Variants in ANKS4B observed in about 807,000 individuals in gnomAD.
The protein encoded by ANKS4B is ankyrin repeat and SAM domain-containing protein 4B.
A neutral mutation model predicts 20.2 loss-of-function variants in ANKS4B; 21 were observed. The observed-to-expected ratio is 1.04, with a 90% CI of 0.74 to 1.50. ANKS4B has a LOEUF of 1.50. ANKS4B is among the 40% of genes most tolerant of loss of function. The probability of loss-of-function intolerance (pLI) is 0.00; values close to 1 mark genes in which losing one functional copy is unlikely to be tolerated. For synonymous variants in ANKS4B, 179 were observed against 194.5 expected, an observed-to-expected ratio of 0.92 and a Z score of 0.66; for missense variants, 473 against 494.6, an observed-to-expected ratio of 0.96 and a Z score of 0.41.
intron 1 of ANKS4B, among the ~76,000 whole-genome samples, chr16:21,249,321 A>G (rs572145885): frequency 6.6e-6 from 1 of 152,286 alleles, no homozygotes; most frequent in South Asian, 2.1e-4. Context: ...CTGTCTCTAC[A>G]AAAAATTAGC....
intron 1 of ANKS4B, among the ~76,000 whole-genome samples, chr16:21,245,144 G>A (rs2031079): frequency 6.6e-6 from 1 of 152,022 alleles, no homozygotes; most frequent in African/African-American, 2.4e-5. Context: ...ACAGAATTTC[G>A]CTTGAAATTC....
chr16:21,247,151 C>G (rs148317937), intron 1 of ANKS4B, among the ~76,000 whole-genome samples: 1 of 150,792 alleles, frequency 6.6e-6, no homozygotes, highest in South Asian at 2.1e-4. Flanking sequence ...CTGCAACCTC[C>G]GCCTCCGGGG....
chr16:21,234,295 T>C (rs1235405799), intron 1 of ANKS4B, among the ~76,000 whole-genome samples: 1 of 151,774 alleles, frequency 6.6e-6, no homozygotes, highest in East Asian at 1.9e-4. Context: ...GACATGGTTT[T>C]AGTTTTTTTT....
chr16:21,242,210 C>T (rs540847018), intron 1 of ANKS4B, among the ~76,000 whole-genome samples: 22 of 152,238 alleles, frequency 1.4e-4, no homozygotes, highest in African/African-American at 5.1e-4. Context: ...TTCTTTTAGA[C>T]GGAGTCTCAC....
rs200273563 is a variant in ANKS4B, at chr16:21,250,056, A to G, written c.490A>G (p.Thr164Ala). 2.2e-5 allele frequency: 35 copies of G among 1,614,210 alleles called. No individual in the cohort carries two copies. Among genetic ancestry groups the G allele is most frequent in the African/African-American group, 2.1e-4 (16 of 75,044 alleles). The change falls in exon 2 of 2, where the codon ACC becomes GCC. Residue 164 changes from threonine (T) to alanine (A), a missense_variant. By Grantham distance (58) the Thr-to-Ala change is moderately conservative (BLOSUM62 0). Transcript: ENST00000311620. ...QEKHQNKMAH[T>A]YSKEESGTLS... is the part of the protein sequence containing the mutation. ...GAAGCACCAAAATAAGATGGCCCAC[A>G]CCTACAGCAAGGAGGAATCCGGGAC...
intron 1 of ANKS4B, among the ~76,000 whole-genome samples, chr16:21,244,562 C>A (rs1297091872): frequency 6.6e-6 from 1 of 152,126 alleles, no homozygotes; most frequent in East Asian, 1.9e-4. Flanking sequence ...TTCAACTTAT[C>A]CAATCCAAGG....
chr16:21,234,731 T>C (rs1252613399), intron 1 of ANKS4B, among the ~76,000 whole-genome samples: 1 of 151,998 alleles, frequency 6.6e-6, no homozygotes, highest in Non-Finnish European at 1.5e-5. Flanking sequence ...TCTCTTAAGA[T>C]AAGAGATATT....
At chr16:21,235,390 A>G (rs1196776179) in intron 1 of ANKS4B, among the ~76,000 whole-genome samples, 2 of 152,176 alleles carry the variant, frequency 1.3e-5, no homozygotes, top group African/African-American at 4.8e-5. Flanking sequence ...CAGGACAAGT[A>G]TAAGAGATAA....
Position 21,249,712 on chromosome 16 carries a change from T to TTC in ANKS4B, c.165-7_165-6dup, listed in dbSNP as rs201323707. The TTC allele has an allele frequency of 3.9e-6, 6 of 1,550,726 alleles. No individual in the cohort carries two copies. The highest frequency in any genetic ancestry group is 2.1e-5 in the Admixed American group (1 of 48,508). ...AAAAAAAGTCCAACATGTATTTTTTTTCTCTCTCTCTCTTCTAGAGGGGAC... is the reference window on the plus strand; with the variant it reads ...AAAAAAAGTCCAACATGTATTTTTTTTCTCTCTCTCTCTCTTCTAGAGGGGAC... On this transcript the variant is annotated intron_variant, in intron 1 of 1. Transcript: ENST00000311620.
At chr16:21,241,812 T>C (rs1382955349) in intron 1 of ANKS4B, among the ~76,000 whole-genome samples, 2 of 152,270 alleles carry the variant, frequency 1.3e-5, no homozygotes, top group African/African-American at 4.8e-5. Flanking sequence ...GTCAAGCTAA[T>C]TGACTATGTG....
rs368289543 is a variant in ANKS4B, at chr16:21,237,481, A to G, written c.164+3580A>G. ...TCTGGCAGCAGAGACATCCAAGATCAAGGCACCAGCAGGACTGGTGTCTGA... is the reference window on the plus strand; with the variant it reads ...TCTGGCAGCAGAGACATCCAAGATCGAGGCACCAGCAGGACTGGTGTCTGA... On this transcript the variant is annotated intron_variant, in intron 1 of 1. Coordinates refer to ENST00000311620, the MANE Select transcript of ANKS4B (RefSeq NM_145865.3). Among the ~76,000 whole-genome samples the G allele has an allele frequency of 1.1e-4, 17 of 152,268 alleles. No individual in the cohort carries two copies. In the South Asian group the frequency reaches 2.1e-3, roughly 19 times the overall value.
At chr16:21,244,304 C>T (rs2093329891) in intron 1 of ANKS4B, among the ~76,000 whole-genome samples, 1 of 152,192 alleles carries the variant, frequency 6.6e-6, no homozygotes, top group Middle Eastern at 3.4e-3. Flanking sequence ...AGGACAAATA[C>T]CTACTGCATG....
In ANKS4B at chr16:21,250,351, A is replaced by G. The variant is rs767591528; in HGVS notation, c.785A>G (p.His262Arg). 3.7e-6 allele frequency: 6 copies of G among 1,614,216 alleles called. No homozygotes were observed. Among genetic ancestry groups the G allele is most frequent in the Admixed American group, 1.7e-5 (1 of 60,024 alleles). ...GCAGAGGAGGACGGCAGTGTGCACC[A>G]TGAATCCATTCTCAATCGTCCAGGT... Reference protein sequence around the residue: ...LSAEEDGSVHHESILNRPGLG... With the variant: ...LSAEEDGSVHRESILNRPGLG... The change falls in exon 2 of 2, where the codon CAT becomes CGT. Residue 262 changes from histidine to arginine, a missense_variant. His to Arg is a conservative substitution (Grantham distance 29, BLOSUM62 0). Transcript: ENST00000311620.
chr16:21,235,572 T>G lies in ANKS4B; in HGVS notation c.164+1671T>G, dbSNP rs569945217. Among the ~76,000 whole-genome samples the G allele has an allele frequency of 5.3e-5, 8 of 152,156 alleles. 1 individual carries two copies. In the South Asian group the frequency reaches 1.7e-3, roughly 32 times the overall value. On this transcript the variant is annotated intron_variant, in intron 1 of 1. Coordinates refer to ENST00000311620, the MANE Select transcript of ANKS4B (RefSeq NM_145865.3). The stretch of plus-strand genomic sequence containing the variant: ...TTGGGGACTGTTTTAGTGGTCGAGA[T>G]GAGTTGGACTAGGGTAGTGACATTG...
chr16:21,234,974 G>T (rs979722319), intron 1 of ANKS4B, among the ~76,000 whole-genome samples: 2 of 152,086 alleles, frequency 1.3e-5, no homozygotes, highest in African/African-American at 4.8e-5. Flanking sequence ...TGAGCCTCCC[G>T]AGTAGCTGGG....
intron 1 of ANKS4B, among the ~76,000 whole-genome samples, chr16:21,247,510 G>A (rs969587572): frequency 5.9e-5 from 9 of 152,154 alleles, no homozygotes; most frequent in Admixed American, 3.9e-4. Context: ...TCTACTTCTC[G>A]GGAATGTTAA....
In ANKS4B at chr16:21,250,470, T is replaced by G; in HGVS notation, c.904T>G (p.Leu302Val). 2.5e-6 allele frequency: 4 copies of G among 1,614,096 alleles called. No homozygotes were observed. The East Asian group carries it at 8.9e-5, about 36-fold the overall frequency. Residue 302 changes from leucine (L) to valine (V), a missense_variant, in exon 2 of 2, where the codon TTG (leucine) becomes GTG (valine). Coordinates refer to ENST00000311620, the MANE Select transcript of ANKS4B (RefSeq NM_145865.3). ...REFGFKLPSE[L>V]LQRQGASEAD... is the part of the protein sequence containing the mutation. ...GTTTGGTTTTAAACTGCCCAGTGAA[T>G]TGCTTCAAAGACAAGGAGCATCAGA...
In ANKS4B at chr16:21,251,037, A is replaced by T. The variant is rs1187343478; in HGVS notation, c.*217A>T. 1 of 529,776 alleles carries T rather than the reference A, an allele frequency of 1.9e-6. No individual in the cohort carries two copies. Among genetic ancestry groups the T allele is most frequent in the African/African-American group, 1.9e-5 (1 of 53,548 alleles). The allele number at this position is 529,776 out of a possible 1,614,324, so 32.8% of individuals were successfully genotyped here. ...AAACTTGAGGAGACTTCATAACAAG[A>T]ATCTGGCATTTCTCTTCAGTTATCT... On this transcript the variant is annotated 3_prime_UTR_variant, in exon 2 of 2. Coordinates refer to ENST00000311620, the MANE Select transcript of ANKS4B (RefSeq NM_145865.3).
intron 1 of ANKS4B, among the ~76,000 whole-genome samples, chr16:21,248,508 T>A (rs551031129): frequency 3.9e-5 from 6 of 151,958 alleles, no homozygotes; most frequent in African/African-American, 1.4e-4. Context: ...GGCGGGTGGA[T>A]CACCTGAGGT....
Sources: gnomAD v4.1 joint callset for allele counts (sites outside exome capture counted in the v4.1 genomes callset) on GRCh38, gnomAD v4.1.1 for gene constraint, MANE v1.5 for transcripts, NCBI Gene and HGNC (gene_info 2026-07-23, HGNC 2026-07-21) for gene names.